The following CIRSR variants were observed in gnomAD, a reference collection of about 807,000 sequenced individuals.
CIRSR encodes the protein corepressor of RBPJ and splicing regulator, also known as CBF1 (RBPJ) interacting corepressor 1.
the CIRSR span, among the ~76,000 whole-genome samples, chr2:174,371,896 T>C: frequency 6.6e-6 from 1 of 152,230 alleles, no homozygotes; most frequent in Non-Finnish European, 1.5e-5. Flanking sequence ...ATTGCCTTAT[T>C]GCAAAAATAA....
chr2:174,356,918 T>C, the CIRSR span, among the ~76,000 whole-genome samples: 22 of 152,314 alleles, frequency 1.4e-4, no homozygotes, highest in African/African-American at 4.6e-4. Flanking sequence ...CTTCCAAATT[T>C]ATTTTTTTCA....
chr2:174,374,851 G>A, the CIRSR span, among the ~76,000 whole-genome samples: 1 of 152,194 alleles, frequency 6.6e-6, no homozygotes, highest in Non-Finnish European at 1.5e-5. Context: ...TTAGGTCTCA[G>A]CTTAACATTG....
At chr2:174,372,336 AC>A in the CIRSR span, among the ~76,000 whole-genome samples, 2 of 152,188 alleles carry the variant, frequency 1.3e-5, no homozygotes, top group African/African-American at 4.8e-5. Flanking sequence ...CCCAGACACA[AC>A]CACTGTTAAT....
the CIRSR span, among the ~76,000 whole-genome samples, chr2:174,394,060 C>A: frequency 1.3e-5 from 2 of 152,160 alleles, no homozygotes; most frequent in Admixed American, 6.5e-5. Flanking sequence ...TAACACTTTA[C>A]ACAGATGAGA....
the CIRSR span, among the ~76,000 whole-genome samples, chr2:174,367,783 A>T: frequency 7.5e-6 from 1 of 134,140 alleles, no homozygotes; most frequent in South Asian, 2.4e-4. Context: ...TGAGTAGATA[A>T]AAAAAAAAAA....
the CIRSR span, among the ~76,000 whole-genome samples, chr2:174,384,630 G>A: frequency 6.6e-6 from 1 of 150,886 alleles, no homozygotes; most frequent in South Asian, 2.1e-4. Flanking sequence ...TCACTATGTT[G>A]CCCATGCTGG....
At chr2:174,351,606 A>C in the CIRSR span, 3 of 1,603,806 alleles carry the variant, frequency 1.9e-6, no homozygotes, top group South Asian at 2.2e-5. Context: ...CTTACTGATA[A>C]AAAGATCATT....
At chr2:174,374,445 G>T in the CIRSR span, among the ~76,000 whole-genome samples, 1 of 152,218 alleles carries the variant, frequency 6.6e-6, no homozygotes, top group Non-Finnish European at 1.5e-5. Context: ...GGTTGTGCCT[G>T]TATCTTCTAT....
At chr2:174,364,416 T>C in the CIRSR span, among the ~76,000 whole-genome samples, 3 of 152,206 alleles carry the variant, frequency 2.0e-5, no homozygotes, top group Admixed American at 1.3e-4. Context: ...GGATCTACCA[T>C]TCTGGGGTCT....
At chr2:174,358,912 A>T in the CIRSR span, among the ~76,000 whole-genome samples, 1 of 151,710 alleles carries the variant, frequency 6.6e-6, no homozygotes, top group Non-Finnish European at 1.5e-5. Flanking sequence ...GAGGTTCACC[A>T]TATCGGCCAG....
At chr2:174,348,945 T>C in the CIRSR span, 3 of 1,606,662 alleles carry the variant, frequency 1.9e-6, no homozygotes, top group Non-Finnish European at 2.5e-6. Context: ...ACTGTTGTTA[T>C]GCCCTGAACA....
the CIRSR span, among the ~76,000 whole-genome samples, chr2:174,392,759 A>G: frequency 6.6e-6 from 1 of 152,264 alleles, no homozygotes; most frequent in Admixed American, 6.5e-5. Flanking sequence ...GATAGCAAGT[A>G]TAAAAAGGGC....
At chr2:174,394,167 G>A in the CIRSR span, among the ~76,000 whole-genome samples, 108 of 152,284 alleles carry the variant, frequency 7.1e-4, 1 homozygote, top group African/African-American at 2.5e-3. Context: ...TTGTAAGAAA[G>A]CTGATACATT....
chr2:174,365,576 G>T, the CIRSR span, among the ~76,000 whole-genome samples: 3 of 152,172 alleles, frequency 2.0e-5, no homozygotes, highest in Non-Finnish European at 4.4e-5. Context: ...CCATGTGGCT[G>T]GGGAAGCCTC....
At chr2:174,369,140 A>C in the CIRSR span, among the ~76,000 whole-genome samples, 149,837 of 152,348 alleles carry the variant, frequency 0.98, 73,746 homozygotes, top group Middle Eastern at 1. Context: ...AGTGTAACTA[A>C]CTTCATCAAT....
At chr2:174,382,686 G>C in the CIRSR span, among the ~76,000 whole-genome samples, 1 of 152,028 alleles carries the variant, frequency 6.6e-6, no homozygotes, top group Non-Finnish European at 1.5e-5. Context: ...TAGTATGATG[G>C]ACTCAGTGTC....
At chr2:174,379,952 T>C in the CIRSR span, among the ~76,000 whole-genome samples, 14 of 151,992 alleles carry the variant, frequency 9.2e-5, no homozygotes, top group Non-Finnish European at 1.8e-4. Flanking sequence ...CTCGAACTCC[T>C]GACCTTGTGA....
At chr2:174,369,919 C>T in the CIRSR span, 5 of 1,333,588 alleles carry the variant, frequency 3.7e-6, no homozygotes, top group South Asian at 3.6e-5. Context: ...AAAAATGTGA[C>T]CCAGAGACAA....
At chr2:174,348,594 T>C in the CIRSR span, 26 of 1,614,190 alleles carry the variant, frequency 1.6e-5, no homozygotes, top group Non-Finnish European at 2.2e-5. Context: ...TCTGCTGTCA[T>C]TTCTTCTGCT....
Sources: allele counts gnomAD v4.1 joint callset (sites outside exome capture counted in the v4.1 genomes callset), GRCh38; gene constraint gnomAD v4.1.1; transcripts MANE v1.5; gene names NCBI Gene and HGNC (gene_info 2026-07-23, HGNC 2026-07-21).